ZBTB20: variants seen among roughly 807,000 people sequenced by gnomAD.
ZBTB20 encodes the protein zinc finger and BTB domain containing 20, also known as zinc finger and BTB domain-containing protein 20.
ZBTB20 carries 9 observed loss-of-function variants against 56.9 expected under a neutral mutation model. The observed-to-expected ratio is 0.16, with a 90% CI of 0.10 to 0.28. The LOEUF (loss-of-function observed/expected upper bound fraction) is 0.28. ZBTB20 is among the 10% of genes least tolerant of loss of function. ZBTB20 has a pLI of 1.00. For synonymous variants in ZBTB20, 417 were observed against 420.7 expected (o/e 0.99, Z 0.11); for missense variants, 655 against 1,003.0 (o/e 0.65, Z 4.69).
At chr3:115,117,169 A>C (rs1038133381) in intron 1 of ZBTB20, among the ~76,000 whole-genome samples, 1 of 152,162 alleles carries the variant, frequency 6.6e-6, no homozygotes, top group African/African-American at 2.4e-5. Context: ...ATGGGACATA[A>C]GGTATGGATA....
At chr3:114,559,924 T>C (rs1372954162) in intron 6 of ZBTB20, among the ~76,000 whole-genome samples, 3 of 152,150 alleles carry the variant, frequency 2.0e-5, no homozygotes, top group Admixed American at 2.0e-4. Context: ...TTAGCTTAAT[T>C]TCAGGGATGT....
intron 2 of ZBTB20, among the ~76,000 whole-genome samples, chr3:115,046,809 C>A (rs2108416988): frequency 6.6e-6 from 1 of 152,226 alleles, no homozygotes; most frequent in South Asian, 2.1e-4. Context: ...AACATCACAG[C>A]TCAGGAAATA....
At chr3:114,577,137 C>T (rs945888838) in intron 6 of ZBTB20, among the ~76,000 whole-genome samples, 8 of 151,612 alleles carry the variant, frequency 5.3e-5, no homozygotes, top group East Asian at 1.9e-4. Context: ...AATAACTGAA[C>T]GTAGAAAGGA....
Position 115,111,005 on chromosome 3 carries a change from AAAATAAATAAATAAAT to A in ZBTB20, c.-703+36198_-703+36213del, listed in dbSNP as rs148918475. Among the ~76,000 whole-genome samples, 624 of 144,790 alleles carry A rather than the reference AAAATAAATAAATAAAT, an allele frequency of 4.3e-3. 4 individuals are homozygous for A. Among genetic ancestry groups the A allele is most frequent in the African/African-American group, 0.014 (574 of 39,826 alleles). The allele number at this position is 144,790 out of a possible 152,430, so 95.0% of individuals were successfully genotyped here. On this transcript the variant is annotated intron_variant, in intron 1 of 11. Transcript: ENST00000675478. ...ACTCCATCTCAAAAAAATAAAAATA[AAAATAAATAAATAAAT>A]AAATAAATAAATAAATAAATAAATA...
At chr3:114,348,192 T>G (rs2080350465) in intron 11 of ZBTB20, among the ~76,000 whole-genome samples, 1 of 152,240 alleles carries the variant, frequency 6.6e-6, no homozygotes, top group South Asian at 2.1e-4. Flanking sequence ...TGAAGAGATG[T>G]ACAGAGGGGA....
At chr3:114,898,823 C>A (rs540747712) in intron 4 of ZBTB20, among the ~76,000 whole-genome samples, 2 of 152,096 alleles carry the variant, frequency 1.3e-5, no homozygotes, top group East Asian at 1.9e-4. Context: ...TAAATACCGA[C>A]GGAAACTCCT....
chr3:114,903,287 G>C (rs1368989826), intron 3 of ZBTB20, among the ~76,000 whole-genome samples: 3 of 152,098 alleles, frequency 2.0e-5, no homozygotes, highest in Non-Finnish European at 4.4e-5. Flanking sequence ...TGTCTATGCA[G>C]GTTATATGTT....
intron 4 of ZBTB20, among the ~76,000 whole-genome samples, chr3:114,807,280 G>T (rs1578957022): frequency 6.6e-6 from 1 of 151,842 alleles, no homozygotes; most frequent in African/African-American, 2.4e-5. Context: ...TGTGTGTGGT[G>T]GGGGAGGTGT....
At position 114,883,578 on chromosome 3, in the gene ZBTB20, A is replaced by C. The variant is rs539334661; in HGVS notation, c.-417+16726T>G. ...ACTCTTAATATGTTTTTGATATTGG[A>C]TAACCTGATAGTGCATGCTCACAAG... On this transcript the variant is annotated intron_variant, in intron 4 of 11. Transcript: ENST00000675478. Among the ~76,000 whole-genome samples the C allele has an allele frequency of 4.6e-5, 7 of 152,286 alleles. No individual in the cohort carries two copies. The South Asian group carries it at 1.5e-3, about 32-fold the overall frequency.
intron 1 of ZBTB20, among the ~76,000 whole-genome samples, chr3:115,118,656 A>G (rs1396693563): frequency 6.6e-6 from 1 of 151,556 alleles, no homozygotes; most frequent in Non-Finnish European, 1.5e-5. Context: ...GCATATTCAC[A>G]TAAATATCAC....
intron 4 of ZBTB20, among the ~76,000 whole-genome samples, chr3:114,816,973 T>G (rs1376237765): frequency 6.6e-6 from 1 of 152,090 alleles, no homozygotes; most frequent in African/African-American, 2.4e-5. Context: ...TAAAAAAAAT[T>G]GCAGAAGTAA....
intron 6 of ZBTB20, among the ~76,000 whole-genome samples, chr3:114,586,397 T>A (rs1420566907): frequency 6.6e-6 from 1 of 152,172 alleles, no homozygotes; most frequent in East Asian, 1.9e-4. Context: ...TCTGGGATCA[T>A]ATATCAAGGC....
At chr3:115,128,614 A>C (rs1464361806) in intron 1 of ZBTB20, among the ~76,000 whole-genome samples, 3 of 151,486 alleles carry the variant, frequency 2.0e-5, no homozygotes, top group African/African-American at 7.3e-5. Context: ...CAGTGAACCA[A>C]GATGACGCCA....
At chr3:114,540,114 C>T (rs995597088) in intron 6 of ZBTB20, among the ~76,000 whole-genome samples, 15 of 151,930 alleles carry the variant, frequency 9.9e-5, no homozygotes, top group African/African-American at 3.6e-4. Context: ...CTCTATGTGT[C>T]CACGTATTCT....
chr3:114,503,205 A>T (rs1360721902), intron 6 of ZBTB20, among the ~76,000 whole-genome samples: 1 of 152,210 alleles, frequency 6.6e-6, no homozygotes, highest in Non-Finnish European at 1.5e-5. Flanking sequence ...ATAGGAATCC[A>T]AAATGGAGAG....
chr3:114,367,689 G>A (rs2082561273), intron 10 of ZBTB20, among the ~76,000 whole-genome samples: 1 of 152,144 alleles, frequency 6.6e-6, no homozygotes, highest in Non-Finnish European at 1.5e-5. Context: ...CATTCAGAGA[G>A]ATTTGAAACT....
At chr3:114,422,634 T>C (rs1007099701) in intron 7 of ZBTB20, among the ~76,000 whole-genome samples, 1 of 152,192 alleles carries the variant, frequency 6.6e-6, no homozygotes, top group Non-Finnish European at 1.5e-5. Context: ...AAAATCAAAC[T>C]GAACATAACT....
At chr3:114,425,938 C>T (rs532516524) in intron 7 of ZBTB20, among the ~76,000 whole-genome samples, 1 of 152,274 alleles carries the variant, frequency 6.6e-6, no homozygotes, top group East Asian at 1.9e-4. Flanking sequence ...TATAGAGCCA[C>T]TTATCAAATT....
intron 2 of ZBTB20, among the ~76,000 whole-genome samples, chr3:114,996,306 C>T (rs1471009222): frequency 1.3e-5 from 2 of 151,770 alleles, no homozygotes; most frequent in African/African-American, 4.8e-5. Context: ...TTGCTGCACC[C>T]ATCAACCTGT....
Sources: gnomAD v4.1 joint callset for allele counts (sites outside exome capture counted in the v4.1 genomes callset) on GRCh38, gnomAD v4.1.1 for gene constraint, MANE v1.5 for transcripts, NCBI Gene and HGNC (gene_info 2026-07-23, HGNC 2026-07-21) for gene names.